Variants in FRMPD2 observed in about 807,000 individuals in gnomAD.
The protein encoded by FRMPD2 is FERM and PDZ domain-containing protein 2.
A neutral mutation model predicts 140.1 loss-of-function variants in FRMPD2; 96 were observed. That is an observed-to-expected ratio of 0.69 (90% CI 0.58 to 0.81). The LOEUF is 0.81. Among genes scored for constraint, FRMPD2 ranks in the 40% least tolerant of loss-of-function variants. The pLI, the probability that FRMPD2 is intolerant of heterozygous loss-of-function variation, is 0.00. For missense variants in FRMPD2, 1,240 were observed against 1,447.4 expected (o/e 0.86, Z 2.32); for synonymous variants, 449 against 547.6 (o/e 0.82, Z 2.52).
At chr10:48,186,941 A>T (rs1838703127) in intron 17 of FRMPD2, among the ~76,000 whole-genome samples, 1 of 151,720 alleles carries the variant, frequency 6.6e-6, no homozygotes, top group South Asian at 2.1e-4. Flanking sequence ...CCTCCATAGC[A>T]GGTATTCTTC....
At chr10:48,179,022 C>T (rs1456129848) in intron 21 of FRMPD2, 6 of 150,560 alleles carry the variant, frequency 4.0e-5, no homozygotes, top group Admixed American at 1.3e-4. Flanking sequence ...GTGCTCAGGA[C>T]ACTGCCTGGC....
chr10:48,231,906 A>G (rs956851652), intron 10 of FRMPD2, among the ~76,000 whole-genome samples: 1 of 152,078 alleles, frequency 6.6e-6, no homozygotes, highest in African/African-American at 2.4e-5. Context: ...CACATCTTAC[A>G]CTCATTATTT....
rs115385618 is a variant in FRMPD2 at position 48,222,680 on chromosome 10, C to T, written c.1317-229G>A. The stretch of plus-strand genomic sequence containing the variant: ...ATGCCAGTCACTTCATACAAACTTA[C>T]AGAGGTGTTTCTTGCTCTGGTTTGA... On this transcript the variant is annotated intron_variant, in intron 11 of 28. Transcript: ENST00000374201. 2.5e-3 allele frequency among the ~76,000 whole-genome samples: 375 copies of T among 152,320 alleles called. 2 individuals are homozygous for T. Among genetic ancestry groups the T allele is most frequent in the African/African-American group, 8.6e-3 (356 of 41,570 alleles).
intron 10 of FRMPD2, among the ~76,000 whole-genome samples, chr10:48,230,443 G>A (rs140425090): frequency 1.2e-3 from 181 of 152,318 alleles, no homozygotes; most frequent in African/African-American, 4.0e-3. Flanking sequence ...TCCTAGCCTT[G>A]AGAGACTTTT....
chr10:48,207,124 A>C (rs1839219214), intron 13 of FRMPD2, among the ~76,000 whole-genome samples, 191 bp from the exon 14 acceptor site: 1 of 150,148 alleles, frequency 6.7e-6, no homozygotes, highest in African/African-American at 2.5e-5. Flanking sequence ...TGCACCTCTG[A>C]TATGATAGAA....
chr10:48,268,382 G>C (rs1840713281), intron 1 of FRMPD2, among the ~76,000 whole-genome samples: 1 of 152,118 alleles, frequency 6.6e-6, no homozygotes, highest in Non-Finnish European at 1.5e-5. Context: ...GAGCAATTGT[G>C]CTTCTGTGCA....
chr10:48,209,531 T>C (rs1055005734), intron 13 of FRMPD2, among the ~76,000 whole-genome samples: 2 of 152,202 alleles, frequency 1.3e-5, no homozygotes, highest in Admixed American at 6.5e-5. Context: ...CTTTTTCTAA[T>C]GAAAAACAAG....
intron 14 of FRMPD2, among the ~76,000 whole-genome samples, chr10:48,203,373 A>G (rs925674333): frequency 6.6e-6 from 1 of 152,164 alleles, no homozygotes; most frequent in African/African-American, 2.4e-5. Context: ...AAACTTTCGC[A>G]TAAGCAAGCT....
chr10:48,264,178 G>A (rs1264034343), intron 1 of FRMPD2, among the ~76,000 whole-genome samples: 2 of 151,568 alleles, frequency 1.3e-5, no homozygotes, highest in Admixed American at 6.6e-5. Flanking sequence ...AAAAATCTAC[G>A]GCCAACACAT....
intron 10 of FRMPD2, among the ~76,000 whole-genome samples, chr10:48,223,513 C>T (rs374275954): frequency 1.3e-5 from 2 of 152,080 alleles, no homozygotes; most frequent in African/African-American, 4.8e-5. Context: ...GAGAAAATAC[C>T]GTTAGTTATC....
At chr10:48,191,960 T>C (rs899406388) in intron 16 of FRMPD2, among the ~76,000 whole-genome samples, 22 of 152,320 alleles carry the variant, frequency 1.4e-4, no homozygotes, top group African/African-American at 4.6e-4. Flanking sequence ...GGGTTTCCTC[T>C]CTGTGATGTG....
intron 12 of FRMPD2, among the ~76,000 whole-genome samples, chr10:48,213,374 T>C (rs1839375178): frequency 6.6e-6 from 1 of 152,266 alleles, no homozygotes; most frequent in East Asian, 1.9e-4. Flanking sequence ...CAGTCGTTGC[T>C]GGTGGGATTG....
intron 9 of FRMPD2, among the ~76,000 whole-genome samples, chr10:48,234,648 G>A (rs1839925655): frequency 6.6e-6 from 1 of 152,178 alleles, no homozygotes; most frequent in Non-Finnish European, 1.5e-5. Context: ...GGGGCCTCCT[G>A]TTTCCCAGGT....
intron 13 of FRMPD2, among the ~76,000 whole-genome samples, chr10:48,209,889 G>GA (rs1839279770): frequency 6.6e-6 from 1 of 152,106 alleles, no homozygotes; most frequent in African/African-American, 2.4e-5. Flanking sequence ...AGCATTGAGA[G>GA]AAAAAATTAG....
At chr10:48,201,037 T>A (rs546917196) in intron 15 of FRMPD2, among the ~76,000 whole-genome samples, 191 bp downstream of exon 15, 174 of 152,346 alleles carry the variant, frequency 1.1e-3, no homozygotes, top group South Asian at 2.1e-3. Context: ...ATCCTCCCAG[T>A]GTTATTTATT....
At chr10:48,221,069 A>G (rs1839575118) in intron 12 of FRMPD2, among the ~76,000 whole-genome samples, 1 of 152,214 alleles carries the variant, frequency 6.6e-6, no homozygotes, top group African/African-American at 2.4e-5. Context: ...TACCATTTGA[A>G]CTAGCAATCC....
chr10:48,243,682 G>T (rs1840178406), intron 4 of FRMPD2, among the ~76,000 whole-genome samples: 1 of 152,180 alleles, frequency 6.6e-6, no homozygotes, highest in African/African-American at 2.4e-5. Flanking sequence ...CAACCCCACG[G>T]CCAGTGAGGC....
Position 48,194,540 on chromosome 10 carries a change from C to T in FRMPD2, c.1955-1646G>A, listed in dbSNP as rs188508134. Reference sequence around the variant, plus strand: ...AAGGTCGCAGCTCAGAAAGGTTTAGCGAGTTTGAAGCAAGACTGTACAGAG... The same window carrying T: ...AAGGTCGCAGCTCAGAAAGGTTTAGTGAGTTTGAAGCAAGACTGTACAGAG... On this transcript the variant is annotated intron_variant, in intron 15 of 28. Coordinates refer to ENST00000374201, the MANE Select transcript of FRMPD2 (RefSeq NM_001018071.4). Among the ~76,000 whole-genome samples, 14 of 152,182 alleles carry T rather than the reference C, an allele frequency of 9.2e-5. No individual in the cohort carries two copies. In the East Asian group the frequency reaches 2.3e-3, roughly 25 times the overall value.
chr10:48,219,739 A>T (rs1839536170), intron 12 of FRMPD2, among the ~76,000 whole-genome samples: 1 of 152,228 alleles, frequency 6.6e-6, no homozygotes, highest in Non-Finnish European at 1.5e-5. Context: ...AACATTAAAT[A>T]ACAAGTTACT....
Sources: gnomAD v4.1 joint callset for allele counts (sites outside exome capture counted in the v4.1 genomes callset) on GRCh38, gnomAD v4.1.1 for gene constraint, MANE v1.5 for transcripts, NCBI Gene and HGNC (gene_info 2026-07-23, HGNC 2026-07-21) for gene names.